Variants in FHIP2A observed in about 807,000 individuals in gnomAD.
The protein encoded by FHIP2A is FHF complex subunit HOOK interacting protein 2A.
In FHIP2A, 46 loss-of-function variants were observed where a neutral mutation model predicts 93.5. The observed-to-expected ratio is 0.49, with a 90% CI of 0.39 to 0.63. The LOEUF (loss-of-function observed/expected upper bound fraction) is 0.63. FHIP2A is among the 20% of genes least tolerant of loss of function. The pLI is 0.00. For missense variants in FHIP2A, 769 were observed against 909.7 expected (o/e 0.85, Z 1.99); for synonymous variants, 332 against 326.5 (o/e 1.02, Z -0.18).
At chr10:114,826,158 C>A (rs2083574594) in intron 1 of FHIP2A, among the ~76,000 whole-genome samples, 1 of 152,236 alleles carries the variant, frequency 6.6e-6, no homozygotes, top group South Asian at 2.1e-4. Flanking sequence ...TTCTGAGTCA[C>A]CACGAAAGCC....
chr10:114,826,092 A>G (rs1566363550), intron 1 of FHIP2A, among the ~76,000 whole-genome samples: 3 of 152,206 alleles, frequency 2.0e-5, no homozygotes, highest in Non-Finnish European at 4.4e-5. Context: ...TCTCAGGCAT[A>G]TTCTTTTCCA....
Position 114,861,539 on chromosome 10 carries a change from A to G in FHIP2A, c.2297A>G (p.Ter766=). Residue 766 remains the stop codon, a stop_retained_variant, in exon 17 of 17, where the codon TAA becomes TGA. Coordinates refer to ENST00000369248, the MANE Select transcript of FHIP2A (RefSeq NM_020940.4). ...AAATATCATGCTTCCTCCACACCAT[A>G]AATAACATCTTTCATGTAACTGGGG... The part of the protein sequence containing the change: ...FVKYHASSTP[*] 1 of 1,613,058 alleles carries G rather than the reference A, an allele frequency of 6.2e-7. No individual in the cohort carries two copies. Among genetic ancestry groups the G allele is most frequent in the East Asian group, 2.2e-5 (1 of 44,872 alleles).
downstream of FHIP2A, among the ~76,000 whole-genome samples, chr10:114,869,240 G>T (rs558691532): frequency 3.3e-4 from 51 of 152,272 alleles, no homozygotes; most frequent in African/African-American, 1.2e-3. Flanking sequence ...GGTTTTAATT[G>T]ATTAGATTTC....
downstream of FHIP2A, among the ~76,000 whole-genome samples, chr10:114,868,433 C>A (rs1480171241): frequency 6.6e-6 from 1 of 152,072 alleles, no homozygotes; most frequent in African/African-American, 2.4e-5. Flanking sequence ...CGAAATCATC[C>A]CCAAGTCTGT....
chr10:114,846,845 TTAAAAG>T (rs2083704713), intron 11 of FHIP2A, 117 bp downstream of exon 11: 2 of 1,033,722 alleles, frequency 1.9e-6, no homozygotes, highest in Non-Finnish European at 2.7e-6. Context: ...TTAAAAGTTC[TTAAAAG>T]TAAAATTAGA....
At chr10:114,837,508 C>T (rs1018625753) in intron 5 of FHIP2A, among the ~76,000 whole-genome samples, 4 of 152,200 alleles carry the variant, frequency 2.6e-5, no homozygotes, top group Admixed American at 2.6e-4. Flanking sequence ...GTGTGAGACT[C>T]CGTCTCAAAT....
In FHIP2A at chr10:114,862,745, C is replaced by T. The variant is rs115487874; in HGVS notation, c.*1205C>T. On this transcript the variant is annotated 3_prime_UTR_variant, in exon 17 of 17. Transcript: ENST00000369248. ...TATTTTTCCTTTAAGTGATGCTGAT[C>T]ACTCAAATAATGCTTTTAAGCTATT... 1,616 of 985,458 alleles carry T rather than the reference C, an allele frequency of 1.6e-3. 13 individuals carry two copies. The African/African-American group carries it at 0.026, about 16-fold the overall frequency. 61.0% of individuals were successfully genotyped at this position (985,458 alleles called of 1,614,324 possible). A position where few individuals can be genotyped will look rare whatever the true frequency, so the allele number is the denominator to read the frequency against.
At chr10:114,878,287 G>A (rs1414019535) in intron 16 of FHIP2A, among the ~76,000 whole-genome samples, 1 of 152,160 alleles carries the variant, frequency 6.6e-6, no homozygotes, top group Non-Finnish European at 1.5e-5. Flanking sequence ...AGTGGAACAC[G>A]GAGGATCAGT....
rs1269412548 is a variant in FHIP2A, at chr10:114,843,146, T to C, written c.736T>C (p.Ser246Pro). The change falls in exon 6 of 17, where the codon TCA (serine) becomes CCA (proline). Residue 246 changes from serine (S) to proline (P), a missense_variant. Transcript: ENST00000369248. ...STSLDNLSVT[S>P]LPEASVVCPN... Reference sequence around the variant, plus strand: ...AAGCTTGGATAACCTCAGTGTCACCTCACTGCCAGAGGCCTCGGTTGTTTG... The same window carrying C: ...AAGCTTGGATAACCTCAGTGTCACCCCACTGCCAGAGGCCTCGGTTGTTTG... 1.2e-6 allele frequency: 2 copies of C among 1,613,986 alleles called. No homozygotes were observed. The highest frequency in any genetic ancestry group is 1.7e-6 in the Non-Finnish European group (2 of 1,179,880).
At chr10:114,896,382 T>C (rs532028370) in intron 16 of FHIP2A, among the ~76,000 whole-genome samples, 2 of 152,268 alleles carry the variant, frequency 1.3e-5, no homozygotes, top group East Asian at 3.9e-4. Context: ...GAGGAAATCA[T>C]AGATTATTCC....
chr10:114,838,216 A>C (rs957438998), intron 5 of FHIP2A, among the ~76,000 whole-genome samples: 1 of 152,288 alleles, frequency 6.6e-6, no homozygotes, highest in African/African-American at 2.4e-5. Flanking sequence ...TTAAATGTTA[A>C]CCACTCCAAT....
chr10:114,898,636 C>G (rs879352383), intron 16 of FHIP2A, among the ~76,000 whole-genome samples: 4 of 152,172 alleles, frequency 2.6e-5, no homozygotes, highest in Non-Finnish European at 5.9e-5. Context: ...GTCCCAGTTG[C>G]TAGTTCCTTA....
At position 114,886,375 on chromosome 10, in the gene FHIP2A, T is replaced by A. The variant is rs182209915; in HGVS notation, c.2193-13115T>A. 6.7e-3 allele frequency among the ~76,000 whole-genome samples: 1,015 copies of A among 152,190 alleles called. 12 individuals are homozygous for A. The highest frequency in any genetic ancestry group is 0.022 in the African/African-American group (925 of 41,488). On this transcript the variant is annotated intron_variant, in intron 16 of 16. Coordinates refer to the FHIP2A transcript ENST00000369250. ...TAACTATTTATTTGGCTATTTTTTT[T>A]AATTTTTTTTTTATCTGTAGAGTGC...
At chr10:114,826,158 C>T (rs2083574594) in intron 1 of FHIP2A, among the ~76,000 whole-genome samples, 1 of 152,236 alleles carries the variant, frequency 6.6e-6, no homozygotes, top group African/African-American at 2.4e-5. Context: ...TTCTGAGTCA[C>T]CACGAAAGCC....
chr10:114,830,215 A>C (rs1333983512), intron 1 of FHIP2A, among the ~76,000 whole-genome samples: 2 of 151,038 alleles, frequency 1.3e-5, no homozygotes, highest in Non-Finnish European at 2.9e-5. Flanking sequence ...TCATTTACTG[A>C]TATGTCAGTA....
At chr10:114,835,946 T>C (rs1206657808) in intron 4 of FHIP2A, among the ~76,000 whole-genome samples, 178 bp from the exon 5 acceptor site, 1 of 152,200 alleles carries the variant, frequency 6.6e-6, no homozygotes, top group Non-Finnish European at 1.5e-5. Context: ...TTGAAAATTT[T>C]ACCACTAGTA....
intron 1 of FHIP2A, among the ~76,000 whole-genome samples, chr10:114,824,338 A>G (rs925065516): frequency 7.2e-5 from 11 of 152,142 alleles, no homozygotes; most frequent in African/African-American, 2.7e-4. Context: ...TTATCTTTTT[A>G]TAATTGTATA....
intron 16 of FHIP2A, among the ~76,000 whole-genome samples, chr10:114,890,921 A>G (rs981113288): frequency 6.6e-6 from 1 of 151,100 alleles, no homozygotes; most frequent in African/African-American, 2.4e-5. Flanking sequence ...CAGGCTGGAC[A>G]TGGTGGTTCA....
intron 1 of FHIP2A, among the ~76,000 whole-genome samples, chr10:114,826,839 C>G (rs553029183): frequency 6.6e-6 from 1 of 152,104 alleles, no homozygotes; most frequent in Non-Finnish European, 1.5e-5. Context: ...ACTAAAAATA[C>G]AAAAATTAGC....
Sources: allele counts gnomAD v4.1 joint callset (sites outside exome capture counted in the v4.1 genomes callset), GRCh38; gene constraint gnomAD v4.1.1; transcripts MANE v1.5; gene names NCBI Gene and HGNC (gene_info 2026-07-23, HGNC 2026-07-21).